MCTP1: variants seen among roughly 807,000 people sequenced by gnomAD.
MCTP1 encodes multiple C2 and transmembrane domain-containing protein 1.
MCTP1 carries 69 observed loss-of-function variants against 120.6 expected under a neutral mutation model. The ratio of observed to expected loss-of-function variants is 0.57; its 90% CI spans 0.47 to 0.70. The LOEUF (loss-of-function observed/expected upper bound fraction) is 0.70. Among genes scored for constraint, MCTP1 ranks in the 30% least tolerant of loss-of-function variants. The probability of loss-of-function intolerance (pLI) is 0.00; values close to 1 mark genes in which losing one functional copy is unlikely to be tolerated. For synonymous variants in MCTP1, 529 were observed against 493.1 expected, an observed-to-expected ratio of 1.07 and a Z score of -0.96; for missense variants, 1,203 against 1,248.8, an observed-to-expected ratio of 0.96 and a Z score of 0.55.
chr5:94,745,968 A>AGCATT (rs1235596607), intron 19 of MCTP1, among the ~76,000 whole-genome samples: 1 of 152,200 alleles, frequency 6.6e-6, no homozygotes, highest in African/African-American at 2.4e-5. Flanking sequence ...CCCAGCTGTA[A>AGCATT]GCATTGCATT....
chr5:94,915,461 A>G (rs1809798266), intron 8 of MCTP1, among the ~76,000 whole-genome samples: 1 of 152,300 alleles, frequency 6.6e-6, no homozygotes, highest in East Asian at 1.9e-4. Context: ...TTATATGACC[A>G]CATGTGTTTA....
intron 1 of MCTP1, among the ~76,000 whole-genome samples, chr5:95,194,744 A>G (rs542847738): frequency 1.5e-3 from 236 of 152,306 alleles, no homozygotes; most frequent in African/African-American, 5.6e-3. Context: ...GAATAAGGAA[A>G]CCAAAATAGC....
intron 17 of MCTP1, 197 bp downstream of exon 17, chr5:94,868,136 G>A (rs2153276049): frequency 2.5e-6 from 1 of 402,484 alleles, no homozygotes; most frequent in South Asian, 1.2e-4. Flanking sequence ...AAATCTGAGG[G>A]GGGAAAATGT....
At chr5:95,226,311 T>A (rs1165149023) in intron 1 of MCTP1, among the ~76,000 whole-genome samples, 1 of 152,212 alleles carries the variant, frequency 6.6e-6, no homozygotes, top group Non-Finnish European at 1.5e-5. Context: ...CTACGTTAAT[T>A]TTTTTAATTA....
intron 1 of MCTP1, among the ~76,000 whole-genome samples, chr5:95,069,830 C>T (rs967679039): frequency 2.6e-5 from 4 of 151,874 alleles, no homozygotes; most frequent in Non-Finnish European, 5.9e-5. Context: ...TCCTGAGTAG[C>T]TGGGACTACA....
intron 17 of MCTP1, among the ~76,000 whole-genome samples, chr5:94,802,645 A>G (rs1781453145): frequency 6.6e-6 from 1 of 152,210 alleles, no homozygotes; most frequent in African/African-American, 2.4e-5. Flanking sequence ...AAGGAGGGCC[A>G]AGACAATGAA....
At chr5:95,216,854 A>G (rs1299351012) in intron 1 of MCTP1, among the ~76,000 whole-genome samples, 1 of 152,242 alleles carries the variant, frequency 6.6e-6, no homozygotes, top group Non-Finnish European at 1.5e-5. Context: ...CAAATACTTC[A>G]TCTTTAAATT....
chr5:95,147,739 T>C (rs772644365), intron 1 of MCTP1, among the ~76,000 whole-genome samples: 1 of 152,204 alleles, frequency 6.6e-6, no homozygotes, highest in African/African-American at 2.4e-5. Context: ...GATACTCTCA[T>C]TGTGTTGTTA....
intron 1 of MCTP1, among the ~76,000 whole-genome samples, chr5:95,019,092 T>A (rs530213325): frequency 3.3e-5 from 5 of 152,204 alleles, no homozygotes; most frequent in Admixed American, 1.3e-4. Context: ...CATGGGCACT[T>A]TTCTAGTCAA....
intron 12 of MCTP1, among the ~76,000 whole-genome samples, chr5:94,883,620 T>C (rs1414243154): frequency 6.6e-6 from 1 of 152,222 alleles, no homozygotes; most frequent in African/African-American, 2.4e-5. Context: ...TTAAAGGATT[T>C]ATATTTTATC....
intron 1 of MCTP1, among the ~76,000 whole-genome samples, chr5:95,247,370 G>GT (rs878936375): frequency 3.9e-5 from 6 of 151,964 alleles, no homozygotes; most frequent in African/African-American, 9.7e-5. Flanking sequence ...TTTTCGAAGG[G>GT]TTTTTTTGTG....
intron 1 of MCTP1, among the ~76,000 whole-genome samples, chr5:95,254,056 A>C (rs1266382373): frequency 6.6e-6 from 1 of 152,164 alleles, no homozygotes; most frequent in Non-Finnish European, 1.5e-5. Context: ...TCCAAACCAC[A>C]AACTACAGAA....
At chr5:94,831,897 A>G (rs935704117) in intron 17 of MCTP1, among the ~76,000 whole-genome samples, 14 of 152,286 alleles carry the variant, frequency 9.2e-5, no homozygotes, top group African/African-American at 3.1e-4. Flanking sequence ...AGTTCTTGCA[A>G]TAACAATAAA....
rs186188202 is a variant in MCTP1 at position 94,800,315 on chromosome 5, A to G, written c.2437-1183T>C. Among the ~76,000 whole-genome samples the G allele has an allele frequency of 4.3e-4, 65 of 152,312 alleles. 1 individual carries two copies. Among genetic ancestry groups the G allele is most frequent in the Admixed American group, 7.8e-4 (12 of 15,294 alleles). On this transcript the variant is annotated intron_variant, in intron 17 of 22. Coordinates refer to ENST00000515393, the MANE Select transcript of MCTP1 (RefSeq NM_024717.7). ...GAAGCTAGAAAGCCCTCTGCCTGCT[A>G]AGATTTAGCTGAACCATAGCGTAAC...
rs530047843 is a variant in MCTP1, at chr5:95,274,465, A to G, written c.720+9391T>C. Among the ~76,000 whole-genome samples the G allele has an allele frequency of 3.3e-5, 5 of 152,156 alleles. No homozygotes were observed. The East Asian group carries it at 9.7e-4, about 29-fold the overall frequency. On this transcript the variant is annotated intron_variant, in intron 1 of 22. Coordinates refer to ENST00000515393, the MANE Select transcript of MCTP1 (RefSeq NM_024717.7). ...CTGTGGGACCCACCCCAACCCATGT[A>G]CTTAGGAACCTTCTCCCATCAATTA...
In MCTP1 at chr5:94,710,840, C is replaced by T. The variant is rs1309113013; in HGVS notation, c.2808G>A (p.Leu936=). 3.1e-6 allele frequency: 5 copies of T among 1,612,410 alleles called. No homozygotes were observed. Among genetic ancestry groups the T allele is most frequent in the South Asian group, 1.1e-5 (1 of 91,018 alleles). ...TACCCCAGACAAGGACAATGTATCT[C>T]AGCGGAATGCAGTACAGGATGGCTG... The part of the protein sequence containing the change: ...VFTAILYCIP[L]RYIVLVWGIN... The change falls in exon 21 of 23, where the codon CTG becomes CTA. Residue 936 remains leucine (L), a synonymous_variant. Transcript: ENST00000515393.
intron 12 of MCTP1, among the ~76,000 whole-genome samples, chr5:94,884,724 A>C (rs1305786896): frequency 2.6e-5 from 4 of 152,172 alleles, no homozygotes; most frequent in Non-Finnish European, 4.4e-5. Flanking sequence ...CAGCCTGTCA[A>C]ATGGGGCTTA....
chr5:95,243,858 T>C (rs1756447157), intron 1 of MCTP1, among the ~76,000 whole-genome samples: 1 of 152,190 alleles, frequency 6.6e-6, no homozygotes, highest in African/African-American at 2.4e-5. Context: ...CTAAACAAGA[T>C]GGCCAGCTTT....
chr5:95,121,889 G>A (rs1758266364), intron 1 of MCTP1, among the ~76,000 whole-genome samples: 1 of 138,678 alleles, frequency 7.2e-6, no homozygotes, highest in Non-Finnish European at 1.5e-5. Context: ...CTGGGGAAAC[G>A]ACAGCCTCTT....
Sources: allele counts gnomAD v4.1 joint callset (sites outside exome capture counted in the v4.1 genomes callset), GRCh38; gene constraint gnomAD v4.1.1; transcripts MANE v1.5; gene names NCBI Gene and HGNC (gene_info 2026-07-23, HGNC 2026-07-21).